Variants in RC3H1 observed in about 807,000 individuals in gnomAD.
The protein encoded by RC3H1 is ring finger and CCCH-type domains 1, also known as roquin-1.
In RC3H1, 50 loss-of-function variants were observed where a neutral mutation model predicts 138.2. The ratio of observed to expected loss-of-function variants is 0.36; its 90% CI spans 0.29 to 0.46. The LOEUF is 0.46. RC3H1 is among the 20% of genes least tolerant of loss of function. The pLI, the probability that RC3H1 is intolerant of heterozygous loss-of-function variation, is 1.00. For missense variants in RC3H1, 1,031 were observed against 1,388.1 expected, an observed-to-expected ratio of 0.74 and a Z score of 4.09; for synonymous variants, 462 against 489.1, an observed-to-expected ratio of 0.94 and a Z score of 0.73.
chr1:173,943,821 T>C (rs1302149800), intron 17 of RC3H1, among the ~76,000 whole-genome samples: 1 of 152,170 alleles, frequency 6.6e-6, no homozygotes, highest in Non-Finnish European at 1.5e-5. Context: ...TAGTAAACAG[T>C]AATTTCATCT....
intron 12 of RC3H1, 107 bp downstream of exon 12, chr1:173,961,618 T>C (rs958884611): frequency 1.2e-4 from 131 of 1,077,360 alleles, no homozygotes; most frequent in Admixed American, 3.6e-4. Context: ...GAAGCTCTCT[T>C]ATAAAAAAGA....
At position 173,961,229 on chromosome 1, in the gene RC3H1, G is replaced by T. The variant is rs765310014; in HGVS notation, c.2218C>A (p.Arg740=). The T allele has an allele frequency of 6.2e-7, 1 of 1,608,168 alleles. No individual in the cohort carries two copies. The highest frequency in any genetic ancestry group is 1.7e-5 in the Admixed American group (1 of 58,052). ...TGAGGCTGGGGAGGAGGAGGAAGCC[G>T]GCTATAAGGAGGTTCCTAAAAATAG... ...PSYLREPPYS[R]LPPPPQPHPS... The change falls in exon 13 of 20, where the codon CGG becomes AGG. Residue 740 remains arginine (R), a synonymous_variant. Coordinates refer to ENST00000367696, the MANE Select transcript of RC3H1 (RefSeq NM_172071.4).
rs184703245 is a variant in RC3H1, at chr1:173,989,000, T to C, written c.231+3755A>G. On this transcript the variant is annotated intron_variant, in intron 2 of 19. Transcript: ENST00000367696. ...TCTCACATTCTGTAGGTTGTTCTTT[T>C]TGCTTTCTTGTTGGTATCTTTGTTT... 1.1e-4 allele frequency among the ~76,000 whole-genome samples: 17 copies of C among 152,338 alleles called. 1 individual carries two copies. The East Asian group carries it at 3.3e-3, about 29-fold the overall frequency.
chr1:173,993,315 C>CA (rs142724741), intron 1 of RC3H1, among the ~76,000 whole-genome samples, 180 bp from the exon 2 acceptor site: 18,726 of 151,930 alleles, frequency 0.12, 3,881 homozygotes, highest in African/African-American at 0.42. Flanking sequence ...TCCATTCCCT[C>CA]ATTTTAGAGA....
At chr1:173,942,439 A>AAAAAAAAAAAAAAAAAAAAAAAAAC (rs1337477683) in intron 18 of RC3H1, among the ~76,000 whole-genome samples, 1 of 149,640 alleles carries the variant, frequency 6.7e-6, no homozygotes, top group African/African-American at 2.5e-5. Flanking sequence ...AAAAAAAAAA[A>AAAAAAAAAAAAAAAAAAAAAAAAAC]AAAAAAAAAA....
At chr1:173,966,532 T>A (rs938335739) in intron 9 of RC3H1, among the ~76,000 whole-genome samples, 3 of 151,852 alleles carry the variant, frequency 2.0e-5, no homozygotes, top group Non-Finnish European at 4.4e-5. Flanking sequence ...CTGACCAATA[T>A]GGTGAAACCC....
chr1:173,977,835 C>G (rs567000185), intron 7 of RC3H1, among the ~76,000 whole-genome samples: 35 of 152,166 alleles, frequency 2.3e-4, no homozygotes, highest in Non-Finnish European at 4.7e-4. Flanking sequence ...AAAAAGTGCT[C>G]AACAACATTA....
Position 173,961,898 on chromosome 1 carries a change from G to A in RC3H1, c.2029C>T (p.Pro677Ser), listed in dbSNP as rs768853250. 4 of 1,614,102 alleles carry A rather than the reference G, an allele frequency of 2.5e-6. No homozygotes were observed. The highest frequency in any genetic ancestry group is 2.5e-6 in the Non-Finnish European group (3 of 1,180,022). ...TCTTCTCTTGTGTAAGACGGAGCAGGGTACACTCGACGGCCATCATAGTGA... is the reference window on the plus strand; with the variant it reads ...TCTTCTCTTGTGTAAGACGGAGCAGAGTACACTCGACGGCCATCATAGTGA... ...PSHYDGRRVY[P>S]APSYTREEIF... The change falls in exon 12 of 20, where the codon CCT becomes TCT. Residue 677 changes from proline to serine, a missense_variant. Transcript: ENST00000367696.
At chr1:173,986,535 C>T (rs969205090) in intron 2 of RC3H1, among the ~76,000 whole-genome samples, 7 of 151,984 alleles carry the variant, frequency 4.6e-5, no homozygotes, top group Non-Finnish European at 8.8e-5. Flanking sequence ...CCACCTTGGC[C>T]TCCCTCTCTC....
chr1:173,964,444 T>C (rs1176089110), intron 10 of RC3H1, among the ~76,000 whole-genome samples: 1 of 152,168 alleles, frequency 6.6e-6, no homozygotes, highest in African/African-American at 2.4e-5. Context: ...CTCGGCTTAC[T>C]GCAACCTCCG....
chr1:173,963,388 A>C (rs1287954381), intron 11 of RC3H1, among the ~76,000 whole-genome samples: 11 of 152,156 alleles, frequency 7.2e-5, no homozygotes, highest in Non-Finnish European at 1.0e-4. Context: ...CTATCAAGCT[A>C]ATATTAACCA....
At chr1:173,977,874 T>C (rs1022184991) in intron 7 of RC3H1, among the ~76,000 whole-genome samples, 3 of 152,130 alleles carry the variant, frequency 2.0e-5, no homozygotes, top group Admixed American at 6.5e-5. Flanking sequence ...ATGGGAGTGA[T>C]TTAAAGACTA....
chr1:173,935,544 T>C lies in RC3H1; in HGVS notation c.*3177A>G, dbSNP rs1658546199. On this transcript the variant is annotated 3_prime_UTR_variant, in exon 20 of 20. Coordinates refer to ENST00000367696, the MANE Select transcript of RC3H1 (RefSeq NM_172071.4). Reference sequence around the variant, plus strand: ...GTAAGTAGAAAACATAAAAACTGTATTTCCTATCTGGTTTCATCTTTGTCT... The same window carrying C: ...GTAAGTAGAAAACATAAAAACTGTACTTCCTATCTGGTTTCATCTTTGTCT... 6.6e-6 allele frequency: 1 copy of C among 152,082 alleles called. No homozygotes were observed. Among genetic ancestry groups the C allele is most frequent in the Non-Finnish European group, 1.5e-5 (1 of 68,022 alleles). The allele number at this position is 152,082 out of a possible 1,614,324, so 9.4% of individuals were successfully genotyped here. A position where few individuals can be genotyped will look rare whatever the true frequency, so the allele number is the denominator to read the frequency against.
intron 1 of RC3H1, among the ~76,000 whole-genome samples, chr1:174,018,852 T>C (rs1661909788): frequency 6.6e-6 from 1 of 152,222 alleles, no homozygotes; most frequent in Non-Finnish European, 1.5e-5. Flanking sequence ...TTCACTTTGT[T>C]GGATGCTGAC....
intron 1 of RC3H1, among the ~76,000 whole-genome samples, chr1:174,021,742 G>C (rs915113096): frequency 3.9e-5 from 6 of 152,090 alleles, no homozygotes; most frequent in African/African-American, 1.4e-4. Context: ...AGCAGTTCCC[G>C]TGCGCATTCC....
intron 2 of RC3H1, among the ~76,000 whole-genome samples, chr1:173,987,962 A>G (rs1256002923): frequency 6.6e-6 from 1 of 152,222 alleles, no homozygotes; most frequent in East Asian, 1.9e-4. Context: ...TATTATACAT[A>G]CAGCAGTATC....
chr1:173,964,743 G>C lies in RC3H1; in HGVS notation c.1616+96C>G, dbSNP rs1660029549. 13 of 1,177,020 alleles carry C rather than the reference G, an allele frequency of 1.1e-5. No individual in the cohort carries two copies. In the East Asian group the frequency reaches 3.2e-4, roughly 29 times the overall value. The allele number at this position is 1,177,020 out of a possible 1,614,324, so 72.9% of individuals were successfully genotyped here. ...AATAAAGGCCAAAAAAAATAATCAG[G>C]GTTTTTTTTTTTTAAATCCCAAACA... On this transcript the variant is annotated intron_variant, in intron 10 of 19. Transcript: ENST00000367696.
At chr1:174,010,558 C>A (rs1661732233) in intron 1 of RC3H1, among the ~76,000 whole-genome samples, 1 of 152,136 alleles carries the variant, frequency 6.6e-6, no homozygotes, top group South Asian at 2.1e-4. Context: ...GGACTACAGG[C>A]ATGCGCCATC....
intron 13 of RC3H1, 137 bp downstream of exon 13, chr1:173,960,940 T>G: frequency 1.3e-6 from 1 of 761,900 alleles, no homozygotes; most frequent in South Asian, 1.9e-5. Context: ...AGATGGATTG[T>G]AGAGTTAAAT....
Sources: gnomAD v4.1 joint callset for allele counts (sites outside exome capture counted in the v4.1 genomes callset) on GRCh38, gnomAD v4.1.1 for gene constraint, MANE v1.5 for transcripts, NCBI Gene and HGNC (gene_info 2026-07-23, HGNC 2026-07-21) for gene names.